Variants in SCMH1 observed in about 807,000 individuals in gnomAD.
SCMH1 encodes Scm polycomb group protein homolog 1.
A neutral mutation model predicts 70.8 loss-of-function variants in SCMH1; 37 were observed. The observed-to-expected ratio is 0.52, with a 90% CI of 0.40 to 0.69. SCMH1 has a LOEUF of 0.69. SCMH1 is among the 30% of genes least tolerant of loss of function. SCMH1 has a pLI of 0.00. For synonymous variants in SCMH1, 292 were observed against 307.4 expected, an observed-to-expected ratio of 0.95 and a Z score of 0.52; for missense variants, 607 against 827.3, an observed-to-expected ratio of 0.73 and a Z score of 3.27.
At chr1:41,133,906 A>G (rs1418008906) in intron 6 of SCMH1, among the ~76,000 whole-genome samples, 2 of 152,224 alleles carry the variant, frequency 1.3e-5, no homozygotes, top group African/African-American at 4.8e-5. Context: ...CAAAAGAAAA[A>G]GAGGGAATCC....
At chr1:41,143,402 C>A (rs1644274219) in intron 5 of SCMH1, among the ~76,000 whole-genome samples, 1 of 152,014 alleles carries the variant, frequency 6.6e-6, no homozygotes, top group Admixed American at 6.5e-5. Context: ...AACTCCCTAC[C>A]CTTCCAGGTA....
chr1:41,125,228 T>A (rs998976736), intron 6 of SCMH1, among the ~76,000 whole-genome samples: 4 of 151,980 alleles, frequency 2.6e-5, no homozygotes, highest in Admixed American at 6.6e-5. Context: ...TTCTATATAT[T>A]TTTTTTAGAC....
chr1:41,230,334 G>A (rs902492726), intron 1 of SCMH1, among the ~76,000 whole-genome samples: 3 of 152,120 alleles, frequency 2.0e-5, no homozygotes, highest in African/African-American at 7.2e-5. Flanking sequence ...TAGTCCTAAG[G>A]GGTATCAGCA....
intron 8 of SCMH1, among the ~76,000 whole-genome samples, chr1:41,097,894 T>C (rs374329444): frequency 1.1e-4 from 17 of 152,346 alleles, no homozygotes; most frequent in African/African-American, 4.1e-4. Flanking sequence ...GAATAAGCCG[T>C]GCTATTCTTT....
chr1:41,111,284 T>G (rs1669181732), intron 8 of SCMH1, among the ~76,000 whole-genome samples: 1 of 152,200 alleles, frequency 6.6e-6, no homozygotes, highest in African/African-American at 2.4e-5. Flanking sequence ...ATTCCCACTC[T>G]GGTTTACAAG....
intron 1 of SCMH1, among the ~76,000 whole-genome samples, chr1:41,198,094 C>T (rs1572995698): frequency 1.3e-5 from 2 of 152,086 alleles, no homozygotes; most frequent in Non-Finnish European, 2.9e-5. Flanking sequence ...GGTTAGGAAA[C>T]GTTCAATGTC....
intron 3 of SCMH1, 29 bp from the exon 4 acceptor site, chr1:41,160,927 A>T: frequency 6.5e-7 from 1 of 1,546,924 alleles, no homozygotes; most frequent in South Asian, 1.2e-5. Flanking sequence ...TTGGAGCATA[A>T]GTCATTAAGA....
rs187532363 is a variant in SCMH1 at position 41,153,036 on chromosome 1, C to T, written c.107-1352G>A. Among the ~76,000 whole-genome samples the T allele has an allele frequency of 1.4e-3, 212 of 152,334 alleles. 1 individual carries two copies. Among genetic ancestry groups the T allele is most frequent in the Non-Finnish European group, 2.6e-3 (179 of 68,018 alleles). On this transcript the variant is annotated intron_variant, in intron 4 of 14. Coordinates refer to ENST00000337495, the Ensembl canonical transcript of SCMH1. ...TCAGAATTTAATGAAGAGTTTGCTT[C>T]TAGTTGACAGGGCCCTAAAGCAAGG...
At chr1:41,102,895 C>T (rs946220864) in intron 8 of SCMH1, among the ~76,000 whole-genome samples, 2 of 152,094 alleles carry the variant, frequency 1.3e-5, no homozygotes, top group Non-Finnish European at 2.9e-5. Flanking sequence ...TTCCTTAGCA[C>T]AAGACAATAA....
chr1:41,030,812 C>T (rs969097695), intron 13 of SCMH1, among the ~76,000 whole-genome samples: 2 of 152,212 alleles, frequency 1.3e-5, no homozygotes, highest in Non-Finnish European at 2.9e-5. Flanking sequence ...CCTGGTCTGC[C>T]ACAGTAGATG....
At chr1:41,216,953 A>G (rs1658212778) in intron 1 of SCMH1, among the ~76,000 whole-genome samples, 1 of 152,186 alleles carries the variant, frequency 6.6e-6, no homozygotes. Context: ...TGTCTCTTCT[A>G]TCTTCTAGTA....
At chr1:41,223,424 C>A (rs1416993327) in intron 1 of SCMH1, among the ~76,000 whole-genome samples, 1 of 152,078 alleles carries the variant, frequency 6.6e-6, no homozygotes, top group Non-Finnish European at 1.5e-5. Context: ...CCTCTCTGAG[C>A]CATCTTTGTA....
chr1:41,185,825 G>A (rs1650049462), intron 2 of SCMH1, among the ~76,000 whole-genome samples: 1 of 151,590 alleles, frequency 6.6e-6, no homozygotes, highest in Admixed American at 6.6e-5. Context: ...GTAGAAATGG[G>A]GTTTCTCCAT....
chr1:41,223,385 C>T (rs1198587979), intron 1 of SCMH1, among the ~76,000 whole-genome samples: 1 of 152,094 alleles, frequency 6.6e-6, no homozygotes, highest in Non-Finnish European at 1.5e-5. Context: ...TTCAGCATTC[C>T]CTGACAATAA....
At chr1:41,210,820 T>C (rs1656840069) in intron 1 of SCMH1, among the ~76,000 whole-genome samples, 1 of 151,888 alleles carries the variant, frequency 6.6e-6, no homozygotes, top group African/African-American at 2.4e-5. Flanking sequence ...TGACTTTTTT[T>C]TTTTTTTAAG....
At chr1:41,151,633 G>A (rs755559061) in exon 5 of SCMH1, 1 of 1,611,836 alleles carries the variant, frequency 6.2e-7, no homozygotes, top group Non-Finnish European at 8.5e-7. Flanking sequence ...GCAATGGACA[G>A]GCGCTGGGAC....
intron 13 of SCMH1, 113 bp from the exon 15 acceptor site, chr1:41,028,839 A>T: frequency 1.7e-6 from 2 of 1,166,784 alleles, no homozygotes; most frequent in South Asian, 3.1e-5. Context: ...GTAGTGCCAG[A>T]CGATGAGCTG....
intron 6 of SCMH1, among the ~76,000 whole-genome samples, chr1:41,119,863 C>G (rs1385821707): frequency 1.3e-5 from 2 of 152,040 alleles, no homozygotes. Flanking sequence ...TTTTTTCCCT[C>G]TCTAATCTGG....
chr1:41,127,031 T>A (rs1673357113), intron 6 of SCMH1, among the ~76,000 whole-genome samples: 2 of 152,132 alleles, frequency 1.3e-5, no homozygotes, highest in Admixed American at 1.3e-4. Flanking sequence ...AGCCTTGCTG[T>A]CTCCTCAAGC....
Sources: gnomAD v4.1 joint callset for allele counts (sites outside exome capture counted in the v4.1 genomes callset) on GRCh38, gnomAD v4.1.1 for gene constraint, MANE v1.5 for transcripts, NCBI Gene and HGNC (gene_info 2026-07-23, HGNC 2026-07-21) for gene names.